The following AVEN variants were observed in gnomAD, a reference collection of about 807,000 sequenced individuals.
AVEN encodes the protein apoptosis and caspase activation inhibitor, also known as cell death regulator Aven.
Under a neutral mutation model 38.1 loss-of-function variants are expected in AVEN, and 41 were observed. The ratio of observed to expected loss-of-function variants is 1.08; its 90% CI spans 0.84 to 1.40. The LOEUF (loss-of-function observed/expected upper bound fraction) is 1.40, where lower values mean the gene tolerates loss of function less well. Ranked by LOEUF, AVEN falls within the 40% of genes most tolerant of loss-of-function variation. The probability of loss-of-function intolerance (pLI) is 0.00; values close to 1 mark genes in which losing one functional copy is unlikely to be tolerated. For missense variants in AVEN, 605 were observed against 438.8 expected (o/e 1.38, Z -3.38); for synonymous variants, 206 against 171.8 (o/e 1.20, Z -1.56).
chr15:33,934,037 G>A (rs1443452939), intron 2 of AVEN, among the ~76,000 whole-genome samples: 2 of 152,164 alleles, frequency 1.3e-5, no homozygotes, highest in Non-Finnish European at 2.9e-5. Flanking sequence ...TCTCATTGCT[G>A]AGGCTCAATC....
At chr15:33,872,148 T>G (rs1373544902) in intron 3 of AVEN, among the ~76,000 whole-genome samples, 1 of 152,046 alleles carries the variant, frequency 6.6e-6, no homozygotes, top group Non-Finnish European at 1.5e-5. Context: ...AAGGAGACAC[T>G]CCAGTGCTGG....
At position 33,859,499 on chromosome 15, in the gene AVEN, A is replaced by G. The variant is rs183900449; in HGVS notation, n.2730-405T>C. On this transcript the variant is annotated intron_variant and non_coding_transcript_variant, in intron 11 of 11. Transcript: ENST00000675287. ...AGGGCTGCCACAATCTGACCGAATC[A>G]TATGAATGATCTGAGCATCTTGCTA... is the stretch of plus-strand genomic sequence containing the variant. 5.8e-6 allele frequency: 9 copies of G among 1,540,108 alleles called. No homozygotes were observed. In the African/African-American group the frequency reaches 1.2e-4, roughly 21 times the overall value.
chr15:34,023,010 AC>A (rs1240581269), intron 1 of AVEN, among the ~76,000 whole-genome samples: 2 of 152,038 alleles, frequency 1.3e-5, no homozygotes, highest in African/African-American at 2.4e-5. Flanking sequence ...ACATGGTGAA[AC>A]CCCCATCTCT....
intron 2 of AVEN, among the ~76,000 whole-genome samples, chr15:33,983,403 T>C (rs1041717872): frequency 1.3e-4 from 20 of 152,044 alleles, no homozygotes; most frequent in African/African-American, 3.9e-4. Context: ...AACGCTTCCA[T>C]TCTTCAAAGA....
chr15:33,867,587 G>A lies in AVEN; in HGVS notation c.881C>T (p.Ala294Val), dbSNP rs370102228. ...GATGTTATCTCCCTCTTTTATAGGT[G>A]CATCTAAATTAAGCAACAGATCTAG... ...EELDLLLNLDAPIKEGDNILP... is the reference protein window; with the variant it reads ...EELDLLLNLDVPIKEGDNILP... Residue 294 changes from alanine to valine, a missense_variant, in exon 5 of 6, where the codon GCA becomes GTA. Transcript: ENST00000306730. 4 of 1,614,228 alleles carry A rather than the reference G, an allele frequency of 2.5e-6. No homozygotes were observed. In the South Asian group the frequency reaches 3.3e-5, roughly 13 times the overall value.
intron 2 of AVEN, among the ~76,000 whole-genome samples, chr15:33,879,767 C>G (rs2153037500): frequency 6.6e-6 from 1 of 152,144 alleles, no homozygotes; most frequent in Middle Eastern, 3.4e-3. Context: ...AGAAAATGAT[C>G]CCACATTGAA....
At position 34,039,135 on chromosome 15, in the gene AVEN, C is replaced by T; in HGVS notation, c.-89G>A. ...ACCGGAAGCGGGCCGCACGGAGGAG[C>T]CGCGAGCGAAAGGCGCCCGGTAGCA... On this transcript the variant is annotated 5_prime_UTR_variant, in exon 1 of 6. Coordinates refer to ENST00000306730, the MANE Select transcript of AVEN (RefSeq NM_020371.3). 4 of 1,029,490 alleles carry T rather than the reference C, an allele frequency of 3.9e-6. No homozygotes were observed. The highest frequency in any genetic ancestry group is 3.5e-6 in the Non-Finnish European group (3 of 856,294). The allele number at this position is 1,029,490 out of a possible 1,614,324, so 63.8% of individuals were successfully genotyped here.
intron 2 of AVEN, among the ~76,000 whole-genome samples, chr15:33,975,027 C>A (rs1895824313): frequency 6.6e-6 from 1 of 152,064 alleles, no homozygotes; most frequent in African/African-American, 2.4e-5. Flanking sequence ...ATGTTTTTAG[C>A]CATGTTCCTT....
chr15:34,003,098 CTT>C lies in AVEN; in HGVS notation c.377_378del (p.Lys126ArgfsTer4), dbSNP rs1053915886. The C allele has an allele frequency of 2.4e-5, 38 of 1,613,826 alleles. No homozygotes were observed. The highest frequency in any genetic ancestry group is 3.1e-5 in the Non-Finnish European group (37 of 1,179,884). ...GACTCTCCACTTTCATTATTGACCT[CTT>C]TTTCAATATCTTGATATCGATCCCA... The part of the protein sequence containing the change: ...SNWDRYQDIE[K>X]EVNNESGESQ... On this transcript the variant is annotated frameshift_variant, in exon 2 of 6. Transcript: ENST00000306730. LOFTEE classifies it high-confidence loss of function.
At chr15:33,892,666 T>G (rs1892037198) in intron 2 of AVEN, among the ~76,000 whole-genome samples, 1 of 152,320 alleles carries the variant, frequency 6.6e-6, no homozygotes, top group Admixed American at 6.5e-5. Flanking sequence ...TGCCTCCAGC[T>G]TTGTTCTTTT....
Position 33,943,728 on chromosome 15 carries a change from G to A in AVEN, c.445+59304C>T, listed in dbSNP as rs143427338. 4.6e-3 allele frequency among the ~76,000 whole-genome samples: 701 copies of A among 151,316 alleles called. 6 individuals are homozygous for A. Among genetic ancestry groups the A allele is most frequent in the African/African-American group, 0.016 (665 of 41,182 alleles). On this transcript the variant is annotated intron_variant, in intron 2 of 5. Transcript: ENST00000306730. Reference sequence around the variant, plus strand: ...TAATCCCAGCTACTTGGGAAGCTGCGGCAGAAGAGTCACTTGAACTCAGGA... The same window carrying A: ...TAATCCCAGCTACTTGGGAAGCTGCAGCAGAAGAGTCACTTGAACTCAGGA...
At position 34,063,017 on chromosome 15, in the gene AVEN, T is replaced by C. The variant is rs111289016; in HGVS notation, n.1542A>G. The stretch of plus-strand genomic sequence containing the variant: ...TCATGGGACGCTGGGCTCTCGGGAG[T>C]CTGGCTTGTGACCTTTGGCTTGCAC... On this transcript the variant is annotated non_coding_transcript_exon_variant, in exon 5 of 12. Transcript: ENST00000675287. This position sits in a 1 kb window ranked among gnomAD's most constrained non-coding sequence, Gnocchi z 4.1. 1 of 1,614,028 alleles carries C rather than the reference T, an allele frequency of 6.2e-7. No homozygotes were observed. Among genetic ancestry groups the C allele is most frequent in the Admixed American group, 1.7e-5 (1 of 60,002 alleles).
intron 2 of AVEN, among the ~76,000 whole-genome samples, chr15:33,987,407 T>C (rs1288737186): frequency 3.9e-5 from 6 of 152,128 alleles, no homozygotes; most frequent in Admixed American, 1.3e-4. Context: ...AGAAAAACAA[T>C]GGACAGCCAC....
rs1309379653 is a variant in AVEN at position 34,063,272 on chromosome 15, C to T, written n.1287G>A. On this transcript the variant is annotated non_coding_transcript_exon_variant, in exon 5 of 12. Transcript: ENST00000675287. This position sits in a 1 kb window ranked among gnomAD's most constrained non-coding sequence, Gnocchi z 4.1. ...CAGTTCCACTGGATGAGTGCCAGAT[C>T]CAGTTTCTCTCTGAGCCCACCATCA... The T allele has an allele frequency of 6.2e-7, 1 of 1,614,184 alleles. No individual in the cohort carries two copies. The highest frequency in any genetic ancestry group is 1.7e-5 in the Admixed American group (1 of 60,032).
chr15:34,024,898 C>T (rs563987494), intron 1 of AVEN, among the ~76,000 whole-genome samples: 1 of 145,832 alleles, frequency 6.9e-6, no homozygotes, highest in African/African-American at 2.5e-5. Flanking sequence ...AGAAAGGTGG[C>T]GAGGCCGGGC....
chr15:33,866,817 A>C, intron 5 of AVEN, 89 bp from the exon 6 acceptor site: 1 of 877,988 alleles, frequency 1.1e-6, no homozygotes, highest in Non-Finnish European at 1.8e-6. Context: ...TCCTTACAAC[A>C]AGGGGAAACA....
chr15:33,859,493 C>T (rs144874799), intron 11 of AVEN: 20 of 1,516,704 alleles, frequency 1.3e-5, no homozygotes, highest in African/African-American at 9.6e-5. Flanking sequence ...ACAATCTGAC[C>T]GAATCATATG....
chr15:33,937,932 CAAAAAAAA>C (rs55887919), intron 2 of AVEN, among the ~76,000 whole-genome samples: 2 of 100,854 alleles, frequency 2.0e-5, no homozygotes, highest in African/African-American at 6.8e-5. Flanking sequence ...CCTACTTGAC[CAAAAAAAA>C]AAAAAAAAAA....
chr15:33,996,781 AAC>A, intron 2 of AVEN, among the ~76,000 whole-genome samples: 1 of 152,332 alleles, frequency 6.6e-6, no homozygotes, highest in South Asian at 2.1e-4. Flanking sequence ...AAATTCTAAA[AAC>A]CAGAGCGCCT....
Sources: allele counts gnomAD v4.1 joint callset (sites outside exome capture counted in the v4.1 genomes callset), GRCh38; gene constraint gnomAD v4.1.1; non-coding constraint Gnocchi (gnomAD v3.1); transcripts MANE v1.5; gene names NCBI Gene and HGNC (gene_info 2026-07-23, HGNC 2026-07-21).